Variants in TDRD12 observed in about 807,000 individuals in gnomAD.
TDRD12 encodes the protein tudor domain containing 12.
TDRD12 carries 158 observed loss-of-function variants against 133.5 expected under a neutral mutation model. The observed-to-expected ratio is 1.18, with a 90% CI of 1.04 to 1.35. TDRD12 has a LOEUF of 1.35. Among genes scored for constraint, TDRD12 ranks in the 40% most tolerant of loss-of-function variants. The probability of loss-of-function intolerance (pLI) is 0.00; values close to 1 mark genes in which losing one functional copy is unlikely to be tolerated. For synonymous variants in TDRD12, 460 were observed against 477.9 expected (o/e 0.96, Z 0.49); for missense variants, 1,443 against 1,321.3 (o/e 1.09, Z -1.43).
At chr19:32,796,365 G>A (rs950473724) in intron 14 of TDRD12, among the ~76,000 whole-genome samples, 4 of 152,162 alleles carry the variant, frequency 2.6e-5, no homozygotes, top group South Asian at 2.1e-4. Context: ...GAGGCAGGCG[G>A]ATCACGAGAT....
chr19:32,781,687 TTCTCTCTCTC>T (rs35069423), intron 11 of TDRD12, among the ~76,000 whole-genome samples: 1 of 148,292 alleles, frequency 6.7e-6, no homozygotes, highest in Non-Finnish European at 1.5e-5. Flanking sequence ...TCCTTTCCTT[TTCTCTCTCTC>T]TCTCTCTCTC....
At chr19:32,827,372 C>CTTTTCTTTTAT in exon 10 of TDRD12, 2 of 120,310 alleles carry the variant, frequency 1.7e-5, no homozygotes, top group Non-Finnish European at 2.7e-5. Context: ...CTTTTCTTTT[C>CTTTTCTTTTAT]TTTTTTTTTT....
At chr19:32,731,990 T>C (rs1969071646) in intron 2 of TDRD12, 107 bp downstream of exon 2, 1 of 1,161,966 alleles carries the variant, frequency 8.6e-7, no homozygotes, top group Non-Finnish European at 1.2e-6. Context: ...TTTAGTTTCT[T>C]ACACTCAGTG....
At chr19:32,722,260 G>A (rs1013491412) in intron 1 of TDRD12, among the ~76,000 whole-genome samples, 1 of 152,162 alleles carries the variant, frequency 6.6e-6, no homozygotes, top group African/African-American at 2.4e-5. Flanking sequence ...TACACATCCT[G>A]AAACATGCAC....
At chr19:32,724,930 T>G (rs1568442349) in intron 1 of TDRD12, among the ~76,000 whole-genome samples, 2 of 152,252 alleles carry the variant, frequency 1.3e-5, no homozygotes, top group East Asian at 3.8e-4. Flanking sequence ...AGATGGTATC[T>G]CATTGTGGTT....
chr19:32,823,981 C>T (rs1337225831), downstream of TDRD12, among the ~76,000 whole-genome samples: 1 of 152,222 alleles, frequency 6.6e-6, no homozygotes, highest in Non-Finnish European at 1.5e-5. Flanking sequence ...GGAGGACATG[C>T]AGTTGTTTAC....
chr19:32,785,888 G>A (rs868818815), intron 11 of TDRD12, among the ~76,000 whole-genome samples: 5 of 151,982 alleles, frequency 3.3e-5, no homozygotes, highest in African/African-American at 4.8e-5. Context: ...TATCCAATTT[G>A]CCAGTCTGTG....
chr19:32,818,185 C>G (rs544286681), intron 27 of TDRD12, 28 bp downstream of exon 27: 1 of 694,022 alleles, frequency 1.4e-6, no homozygotes, highest in East Asian at 2.7e-5. Flanking sequence ...AGAGCTTCCT[C>G]CCAGAATGCC....
At chr19:32,797,812 C>T (rs1341751195) in exon 15 of TDRD12, 3 of 702,474 alleles carry the variant, frequency 4.3e-6, no homozygotes, top group African/African-American at 3.5e-5. Context: ...ATAGCATGTC[C>T]TCCAGGCCTC....
At chr19:32,815,311 C>T in intron 25 of TDRD12, 137 bp from the exon 26 acceptor site, 1 of 688,996 alleles carries the variant, frequency 1.5e-6, no homozygotes, top group Non-Finnish European at 2.4e-6. Context: ...ATGGAAAGCC[C>T]TGCACGTTGT....
intron 10 of TDRD12, among the ~76,000 whole-genome samples, chr19:32,774,078 G>T (rs928563977): frequency 6.6e-6 from 1 of 152,158 alleles, no homozygotes; most frequent in Non-Finnish European, 1.5e-5. Context: ...ATCAGAGGCT[G>T]GGTCTGTACT....
At chr19:32,826,788 T>A in intron 9 of TDRD12, 39 bp downstream of exon 32, 4 of 1,199,154 alleles carry the variant, frequency 3.3e-6, no homozygotes, top group Non-Finnish European at 4.2e-6. Flanking sequence ...GGGTTGTAGG[T>A]TCTGAGGGCA....
chr19:32,811,456 T>A (rs903597115), intron 24 of TDRD12, 36 bp downstream of exon 24: 3 of 1,489,392 alleles, frequency 2.0e-6, no homozygotes, highest in Non-Finnish European at 2.7e-6. Context: ...TTGTTGACTT[T>A]TAGAATATAT....
Position 32,803,115 on chromosome 19 carries a change from C to G in TDRD12, c.2525C>G (p.Pro842Arg), listed in dbSNP as rs551025149. Residue 842 changes from proline (P) to arginine (R), a missense_variant, in exon 21 of 28, where the codon CCA (proline) becomes CGA (arginine). Pro to Arg is a moderately radical substitution (Grantham distance 103). Transcript: ENST00000444215. ...AAGAAAGCCGGAAGGCCTCTTTGTCCATATCTGAAGGCTTTTGGTTTTTGC... is the reference window on the plus strand; with the variant it reads ...AAGAAAGCCGGAAGGCCTCTTTGTCGATATCTGAAGGCTTTTGGTTTTTGC... 2.6e-6 allele frequency: 4 copies of G among 1,527,912 alleles called. No individual in the cohort carries two copies. In the East Asian group the frequency reaches 7.3e-5, roughly 28 times the overall value. The allele number at this position is 1,527,912 out of a possible 1,614,324, so 94.6% of individuals were successfully genotyped here.
At chr19:32,770,271 T>C (rs1007602396) in intron 8 of TDRD12, among the ~76,000 whole-genome samples, 1 of 152,134 alleles carries the variant, frequency 6.6e-6, no homozygotes. Context: ...GCTCCCAAAG[T>C]GTTGGGATTA....
chr19:32,826,815 C>T, intron 9 of TDRD12, 66 bp downstream of exon 32: 1 of 1,022,342 alleles, frequency 9.8e-7, no homozygotes, highest in Non-Finnish European at 1.3e-6. Flanking sequence ...GACACCATCA[C>T]CCACTTAGGA....
intron 3 of TDRD12, among the ~76,000 whole-genome samples, chr19:32,741,490 A>G (rs757933183): frequency 2.0e-5 from 3 of 152,256 alleles, no homozygotes; most frequent in Non-Finnish European, 2.9e-5. Flanking sequence ...GTGATCCTGC[A>G]TTGCATACAA....
In TDRD12 at chr19:32,759,180, AAGG is replaced by A. The variant is rs1970080860; in HGVS notation, c.865+2056_865+2058del. On this transcript the variant is annotated intron_variant, in intron 8 of 27. Coordinates refer to ENST00000444215, the Ensembl canonical transcript of TDRD12. ...ATGAAATGAGAAACTAGGATGTAAA[AAGG>A]AGGAGTGAACCCTGTAGACTCTTTT... Among the ~76,000 whole-genome samples, 2 of 152,194 alleles carry A rather than the reference AAGG, an allele frequency of 1.3e-5. 1 individual carries two copies. Among genetic ancestry groups the A allele is most frequent in the South Asian group, 4.1e-4 (2 of 4,828 alleles).
chr19:32,734,736 T>C (rs530350094), intron 2 of TDRD12, among the ~76,000 whole-genome samples: 2 of 152,264 alleles, frequency 1.3e-5, no homozygotes, highest in Non-Finnish European at 2.9e-5. Context: ...TATGTTTTTT[T>C]ACAAATTGAA....
Sources: allele counts gnomAD v4.1 joint callset (sites outside exome capture counted in the v4.1 genomes callset), GRCh38; gene constraint gnomAD v4.1.1; transcripts MANE v1.5; gene names NCBI Gene and HGNC (gene_info 2026-07-23, HGNC 2026-07-21).